THRB: variants seen among roughly 807,000 people sequenced by gnomAD.
The protein encoded by THRB is nuclear receptor subfamily 1 group A member 2.
A neutral mutation model predicts 47.8 loss-of-function variants in THRB; 12 were observed. The ratio of observed to expected loss-of-function variants is 0.25; its 90% CI spans 0.16 to 0.41. The LOEUF (loss-of-function observed/expected upper bound fraction) is 0.41, where lower values mean the gene tolerates loss of function less well. THRB is among the 10% of genes least tolerant of loss of function. The pLI is 1.00. For missense variants in THRB, 348 were observed against 589.2 expected, an observed-to-expected ratio of 0.59 and a Z score of 4.24; for synonymous variants, 218 against 212.2, an observed-to-expected ratio of 1.03 and a Z score of -0.24.
chr3:24,473,662 C>T (rs904947460), intron 1 of THRB, among the ~76,000 whole-genome samples: 3 of 152,106 alleles, frequency 2.0e-5, no homozygotes, highest in African/African-American at 7.2e-5. Flanking sequence ...CAGCACTATT[C>T]GCAACAGCAA....
At chr3:24,209,821 TA>T (rs1002094830) in intron 4 of THRB, among the ~76,000 whole-genome samples, 30 of 151,064 alleles carry the variant, frequency 2.0e-4, no homozygotes, top group South Asian at 4.2e-4. Flanking sequence ...CTTAAAATAT[TA>T]AAAAAAAATG....
intron 1 of THRB, among the ~76,000 whole-genome samples, chr3:24,382,132 C>T (rs2065759023): frequency 6.6e-6 from 1 of 151,468 alleles, no homozygotes; most frequent in African/African-American, 2.4e-5. Flanking sequence ...AAGAATAAAG[C>T]CAAAGATAAG....
chr3:24,270,013 A>G (rs2053159793), intron 3 of THRB, among the ~76,000 whole-genome samples: 1 of 152,152 alleles, frequency 6.6e-6, no homozygotes, highest in African/African-American at 2.4e-5. Context: ...ATGCTATTTA[A>G]GGTTTTACAA....
At chr3:24,183,368 CTTTTTTTTTTT>C (rs1193344905) in intron 5 of THRB, among the ~76,000 whole-genome samples, 6 of 84,272 alleles carry the variant, frequency 7.1e-5, no homozygotes, top group Non-Finnish European at 1.5e-4. Context: ...TTTTTCTTTT[CTTTTTTTTTTT>C]TTTTTGAGAC....
intron 5 of THRB, among the ~76,000 whole-genome samples, chr3:24,180,968 GT>G (rs950765924): frequency 1.3e-5 from 2 of 152,052 alleles, no homozygotes; most frequent in African/African-American, 2.4e-5. Context: ...AGGGGAATAA[GT>G]TTTTTTTATG....
chr3:24,166,748 C>A (rs1263597526), intron 5 of THRB, among the ~76,000 whole-genome samples: 1 of 152,130 alleles, frequency 6.6e-6, no homozygotes, highest in Non-Finnish European at 1.5e-5. Flanking sequence ...ATTTGGCTTC[C>A]TGCTGGTCCA....
intron 5 of THRB, among the ~76,000 whole-genome samples, chr3:24,177,240 C>T (rs1472615713): frequency 2.0e-5 from 3 of 152,080 alleles, no homozygotes; most frequent in East Asian, 1.9e-4. Context: ...TTTGAAACAA[C>T]GTAGGTTACA....
chr3:24,461,218 G>A (rs753213381), intron 1 of THRB, among the ~76,000 whole-genome samples: 2 of 152,092 alleles, frequency 1.3e-5, no homozygotes. Flanking sequence ...GCAGGCCTGG[G>A]GTCAAGTCTG....
chr3:24,370,915 A>T (rs13078863), intron 1 of THRB, among the ~76,000 whole-genome samples: 11,704 of 152,244 alleles, frequency 0.077, 557 homozygotes, highest in Middle Eastern at 0.13. Context: ...TTCTTTAAAG[A>T]GGTTAATAGC....
chr3:24,426,650 A>C (rs896775591), intron 1 of THRB, among the ~76,000 whole-genome samples: 1 of 151,960 alleles, frequency 6.6e-6, no homozygotes, highest in Non-Finnish European at 1.5e-5. Flanking sequence ...TTTTTAGATT[A>C]ATTGTCTATA....
At chr3:24,238,122 G>A (rs1249859181) in intron 3 of THRB, 1 of 152,054 alleles carries the variant, frequency 6.6e-6, no homozygotes, top group Non-Finnish European at 1.5e-5. Flanking sequence ...ACAGCCCAGA[G>A]GTAGTTTGAG....
intron 1 of THRB, among the ~76,000 whole-genome samples, chr3:24,422,428 C>T (rs538129427): frequency 2.6e-5 from 4 of 151,844 alleles, no homozygotes; most frequent in Non-Finnish European, 5.9e-5. Context: ...GCCATGTCAG[C>T]CCTGCACTGC....
intron 3 of THRB, among the ~76,000 whole-genome samples, chr3:24,265,543 G>A (rs928997767): frequency 1.3e-5 from 2 of 151,950 alleles, no homozygotes; most frequent in African/African-American, 4.8e-5. Context: ...TACTTATATG[G>A]TACTGTATAA....
In THRB at chr3:24,339,047, G is replaced by A. The variant is rs77097752; in HGVS notation, c.-260-1676C>T. Among the ~76,000 whole-genome samples the A allele has an allele frequency of 3.8e-3, 586 of 152,276 alleles. 5 individuals carry two copies. The highest frequency in any genetic ancestry group is 0.029 in the South Asian group (141 of 4,820). ...AACAAAGCCAGGAAGGCTTGTGTTT[G>A]TAGCAGTTGTTATGACTTTATGGCA... On this transcript the variant is annotated intron_variant, in intron 1 of 10. Coordinates refer to ENST00000646209, the MANE Select transcript of THRB (RefSeq NM_001354712.2).
At chr3:24,276,330 T>C (rs931534272) in intron 3 of THRB, among the ~76,000 whole-genome samples, 2 of 152,228 alleles carry the variant, frequency 1.3e-5, no homozygotes, top group Non-Finnish European at 1.5e-5. Context: ...GTCATTCATT[T>C]ATTAACTTAA....
chr3:24,445,216 G>T (rs561332726), intron 1 of THRB, among the ~76,000 whole-genome samples: 4 of 151,802 alleles, frequency 2.6e-5, no homozygotes, highest in South Asian at 4.2e-4. Flanking sequence ...AATGTATGTT[G>T]CTATCTCATA....
At chr3:24,325,603 C>T (rs573334977) in intron 2 of THRB, among the ~76,000 whole-genome samples, 10 of 152,190 alleles carry the variant, frequency 6.6e-5, no homozygotes, top group Non-Finnish European at 1.0e-4. Context: ...AGGAGAATCA[C>T]TTGAACCCAG....
At chr3:24,444,939 A>C (rs1261432827) in intron 1 of THRB, among the ~76,000 whole-genome samples, 1 of 152,188 alleles carries the variant, frequency 6.6e-6, no homozygotes, top group Non-Finnish European at 1.5e-5. Context: ...GAATGCTGAG[A>C]CAATAACTGC....
intron 4 of THRB, among the ~76,000 whole-genome samples, chr3:24,211,532 C>T (rs1320491105): frequency 6.6e-6 from 1 of 152,144 alleles, no homozygotes; most frequent in Non-Finnish European, 1.5e-5. Context: ...TCTGGACTGC[C>T]GTGGACCTAT....
Sources: allele counts gnomAD v4.1 joint callset (sites outside exome capture counted in the v4.1 genomes callset), GRCh38; gene constraint gnomAD v4.1.1; transcripts MANE v1.5; gene names NCBI Gene and HGNC (gene_info 2026-07-23, HGNC 2026-07-21).